CECR2: variants seen among roughly 807,000 people sequenced by gnomAD.
CECR2 encodes the protein CECR2 histone acetyl-lysine reader, also known as chromatin remodeling regulator CECR2.
CECR2 carries 30 observed loss-of-function variants against 154.5 expected under a neutral mutation model. The ratio of observed to expected loss-of-function variants is 0.19; its 90% confidence interval spans 0.15 to 0.26. The LOEUF (loss-of-function observed/expected upper bound fraction) is 0.26. Ranked by LOEUF, CECR2 falls within the 10% of genes least tolerant of loss-of-function variation. CECR2 has a pLI of 1.00. For missense variants in CECR2, 1,743 were observed against 1,829.3 expected, an observed-to-expected ratio of 0.95 and a Z score of 0.86; for synonymous variants, 725 against 683.7, an observed-to-expected ratio of 1.06 and a Z score of -0.94.
At chr22:17,467,104 A>C (rs1046051537) in intron 1 of CECR2, among the ~76,000 whole-genome samples, 4 of 152,232 alleles carry the variant, frequency 2.6e-5, no homozygotes, top group Non-Finnish European at 5.9e-5. Context: ...TTAAAGGAGC[A>C]GTTCCTATTT....
intron 2 of CECR2, among the ~76,000 whole-genome samples, chr22:17,491,979 G>C (rs2055541139): frequency 6.6e-6 from 1 of 152,194 alleles, no homozygotes; most frequent in Non-Finnish European, 1.5e-5. Context: ...TACAGCCCTA[G>C]AGAAGAAGAA....
chr22:17,396,662 A>G lies in CECR2; in HGVS notation c.126+26753A>G, dbSNP rs535761997. Among the ~76,000 whole-genome samples, 117 of 152,368 alleles carry G rather than the reference A, an allele frequency of 7.7e-4. 1 individual carries two copies. Among genetic ancestry groups the G allele is most frequent in the African/African-American group, 2.7e-3 (114 of 41,594 alleles). On this transcript the variant is annotated intron_variant, in intron 1 of 18. Transcript: ENST00000262608. ...GAAAATTGCTGTGGTAATGGCAGTTAAAGTTTAAGCAGGGCTGAGTGATGT... is the reference window on the plus strand; with the variant it reads ...GAAAATTGCTGTGGTAATGGCAGTTGAAGTTTAAGCAGGGCTGAGTGATGT...
chr22:17,533,794 G>A (rs764334699), intron 9 of CECR2, among the ~76,000 whole-genome samples: 27 of 151,410 alleles, frequency 1.8e-4, no homozygotes, highest in Admixed American at 3.3e-4. Flanking sequence ...TCGGCTCACC[G>A]CAACCTCCGC....
intron 1 of CECR2, among the ~76,000 whole-genome samples, chr22:17,446,871 C>T (rs2054674629): frequency 6.6e-6 from 1 of 152,098 alleles, no homozygotes; most frequent in African/African-American, 2.4e-5. Context: ...TGGCCCCGCC[C>T]ACATCCTGCT....
rs539811804 is a variant in CECR2 at position 17,548,920 on chromosome 22, C to G, written c.3633C>G (p.Asp1211Glu). 322 of 1,613,530 alleles carry G rather than the reference C, an allele frequency of 2.0e-4. No homozygotes were observed. The highest frequency in any genetic ancestry group is 2.6e-4 in the Non-Finnish European group (310 of 1,179,714). ...PYYACPQSFS[D>E]WQRPLHPQGS... ...ATGCCTGTCCACAGAGCTTTTCTGACTGGCAGAGACCTCTCCATCCCCAGG... is the reference window on the plus strand; with the variant it reads ...ATGCCTGTCCACAGAGCTTTTCTGAGTGGCAGAGACCTCTCCATCCCCAGG... The change falls in exon 17 of 19, where the codon GAC (aspartate) becomes GAG (glutamate). Residue 1211 changes from aspartate (D) to glutamate (E), a missense_variant. Physicochemically the swap from Asp to Glu is conservative, Grantham distance 45 (BLOSUM62 2). Around this residue, in one of 4 missense-constraint regions of CECR2, gnomAD observed 1,250 missense variants for 1,192.1 expected, o/e 1.05. Coordinates refer to ENST00000262608, the MANE Select transcript of CECR2 (RefSeq NM_001290047.2).
chr22:17,410,573 G>A (rs1050617686), intron 1 of CECR2, among the ~76,000 whole-genome samples: 2 of 151,880 alleles, frequency 1.3e-5, no homozygotes, highest in African/African-American at 4.8e-5. Context: ...TCAGCCTCCT[G>A]AGTAGCTGGG....
At chr22:17,538,581 C>T (rs780988534) in intron 11 of CECR2, 24 bp downstream of exon 11, 4 of 1,613,480 alleles carry the variant, frequency 2.5e-6, no homozygotes, top group Non-Finnish European at 3.4e-6. Context: ...CTCCACTGTT[C>T]TGTTTGTGAT....
At chr22:17,449,024 G>A (rs1474804479) in intron 1 of CECR2, among the ~76,000 whole-genome samples, 1 of 151,794 alleles carries the variant, frequency 6.6e-6, no homozygotes, top group Non-Finnish European at 1.5e-5. Flanking sequence ...GACCACAGGC[G>A]GCAACTACCA....
intron 1 of CECR2, among the ~76,000 whole-genome samples, chr22:17,412,281 A>G (rs1412767124): frequency 6.6e-6 from 1 of 152,210 alleles, no homozygotes; most frequent in South Asian, 2.1e-4. Flanking sequence ...CGCAAAATAC[A>G]GTAATAGAAG....
At chr22:17,543,228 G>C (rs2056559221) in intron 16 of CECR2, among the ~76,000 whole-genome samples, 1 of 152,066 alleles carries the variant, frequency 6.6e-6, no homozygotes, top group Non-Finnish European at 1.5e-5. Context: ...CACCTCCCGG[G>C]TTCATGCCAT....
At chr22:17,413,616 A>C (rs893878175) in intron 1 of CECR2, among the ~76,000 whole-genome samples, 6 of 152,046 alleles carry the variant, frequency 3.9e-5, no homozygotes. Flanking sequence ...TGTAAGCTAG[A>C]TGTGTGGTCT....
intron 1 of CECR2, among the ~76,000 whole-genome samples, chr22:17,400,573 C>T (rs1480766383): frequency 2.6e-5 from 4 of 152,144 alleles, no homozygotes; most frequent in Non-Finnish European, 5.9e-5. Context: ...CATTCTGACT[C>T]CCAGGCTGGC....
At chr22:17,490,433 T>A (rs2055506759) in intron 2 of CECR2, among the ~76,000 whole-genome samples, 1 of 152,008 alleles carries the variant, frequency 6.6e-6, no homozygotes, top group Non-Finnish European at 1.5e-5. Context: ...AATCTTTGTA[T>A]TTTTATTTAT....
At chr22:17,374,416 A>G (rs2063094906) in intron 1 of CECR2, among the ~76,000 whole-genome samples, 1 of 152,200 alleles carries the variant, frequency 6.6e-6, no homozygotes. Context: ...AGAAACTTGT[A>G]AGTACATCCA....
intron 1 of CECR2, among the ~76,000 whole-genome samples, chr22:17,446,617 T>TG (rs59776845): frequency 0.3 from 45,720 of 151,752 alleles, 9,839 homozygotes; most frequent in African/African-American, 0.58. Context: ...CTCAGGAGGT[T>TG]AGGAAGGAGA....
chr22:17,539,236 T>A, intron 13 of CECR2, 117 bp downstream of exon 13: 1 of 1,178,238 alleles, frequency 8.5e-7, no homozygotes, highest in Non-Finnish European at 1.2e-6. Context: ...AGAATGTGTA[T>A]GAAAAGTCAT....
intron 1 of CECR2, among the ~76,000 whole-genome samples, chr22:17,382,048 C>T (rs368311203): frequency 1.5e-3 from 156 of 104,350 alleles, no homozygotes; most frequent in African/African-American, 4.8e-3. Flanking sequence ...CCACCACGCC[C>T]TGCTAATTTT....
chr22:17,511,568 T>C (rs1465034860), intron 7 of CECR2, among the ~76,000 whole-genome samples: 2 of 151,826 alleles, frequency 1.3e-5, no homozygotes, highest in African/African-American at 4.8e-5. Flanking sequence ...TTTTTGCCAG[T>C]GATACATATT....
At chr22:17,492,285 C>T (rs2055546146) in intron 2 of CECR2, among the ~76,000 whole-genome samples, 1 of 152,210 alleles carries the variant, frequency 6.6e-6, no homozygotes, top group Admixed American at 6.5e-5. Context: ...CCTTTCATGT[C>T]CCTAACACAT....
Sources: allele counts gnomAD v4.1 joint callset (sites outside exome capture counted in the v4.1 genomes callset), GRCh38; gene constraint gnomAD v4.1.1; regional missense constraint gnomAD v4.1.1; transcripts MANE v1.5; gene names NCBI Gene and HGNC (gene_info 2026-07-23, HGNC 2026-07-21).